The following STXBP4 variants were observed in gnomAD, a reference collection of about 807,000 sequenced individuals.
STXBP4 encodes the protein syntaxin-binding protein 4.
A neutral mutation model predicts 76.1 loss-of-function variants in STXBP4; 55 were observed. The observed-to-expected ratio is 0.72, with a 90% CI of 0.58 to 0.91. STXBP4 has a LOEUF of 0.91. Among genes scored for constraint, STXBP4 ranks in the 40% least tolerant of loss-of-function variants. STXBP4 has a pLI of 0.00. For missense variants in STXBP4, 618 were observed against 636.9 expected (o/e 0.97, Z 0.32); for synonymous variants, 201 against 220.2 (o/e 0.91, Z 0.77).
In STXBP4 at chr17:55,065,085, G is replaced by C. The variant is rs143403773; in HGVS notation, c.1012-7815G>C. On this transcript the variant is annotated intron_variant, in intron 12 of 17. Coordinates refer to ENST00000376352, the MANE Select transcript of STXBP4 (RefSeq NM_178509.6). ...TCTTACATAATATAGGGTCTGTATG[G>C]GGCTATCTGGTCTTTCTAGTTGCTT... 2.6e-5 allele frequency among the ~76,000 whole-genome samples: 4 copies of C among 152,160 alleles called. No homozygotes were observed. The East Asian group carries it at 7.7e-4, about 29-fold the overall frequency.
intron 10 of STXBP4, among the ~76,000 whole-genome samples, chr17:55,040,651 A>C (rs1249199854): frequency 6.6e-6 from 1 of 152,182 alleles, no homozygotes; most frequent in Non-Finnish European, 1.5e-5. Flanking sequence ...AATGACCTAT[A>C]GTATGTATTT....
the STXBP4 span, among the ~76,000 whole-genome samples, chr17:55,211,049 A>G: frequency 6.6e-6 from 1 of 152,106 alleles, no homozygotes; most frequent in African/African-American, 2.4e-5. Context: ...TTCATGTTCA[A>G]AGAGGTGCTC....
intron 13 of STXBP4, among the ~76,000 whole-genome samples, chr17:55,074,894 A>G (rs1409606993): frequency 6.6e-6 from 1 of 151,764 alleles, no homozygotes; most frequent in African/African-American, 2.4e-5. Context: ...AAAGAAGGAA[A>G]CCTTTTTTTT....
At chr17:55,040,091 G>A (rs1343220964) in intron 10 of STXBP4, among the ~76,000 whole-genome samples, 1 of 152,092 alleles carries the variant, frequency 6.6e-6, no homozygotes, top group Admixed American at 6.6e-5. Context: ...GTAACTCATT[G>A]GGAATAGCCT....
intron 16 of STXBP4, among the ~76,000 whole-genome samples, chr17:55,127,073 A>G (rs969337937): frequency 1.3e-5 from 2 of 152,212 alleles, no homozygotes; most frequent in Non-Finnish European, 2.9e-5. Context: ...CAGCTGCATT[A>G]TACTACCACC....
intron 4 of STXBP4, among the ~76,000 whole-genome samples, chr17:54,996,978 T>C (rs769250294): frequency 6.6e-6 from 1 of 152,344 alleles, no homozygotes; most frequent in East Asian, 1.9e-4. Flanking sequence ...TGTGAAAGAA[T>C]TCAGATCTGA....
chr17:55,184,587 A>G, the STXBP4 span, among the ~76,000 whole-genome samples: 1 of 152,134 alleles, frequency 6.6e-6, no homozygotes, highest in African/African-American at 2.4e-5. Flanking sequence ...GCTTTAAAAA[A>G]CTCATTGCAA....
chr17:55,091,617 C>G (rs1197088920), intron 16 of STXBP4, among the ~76,000 whole-genome samples: 1 of 152,072 alleles, frequency 6.6e-6, no homozygotes, highest in African/African-American at 2.4e-5. Context: ...AACAAAACAC[C>G]CTCCCAGCCC....
the STXBP4 span, among the ~76,000 whole-genome samples, chr17:55,195,329 A>T: frequency 6.6e-6 from 1 of 152,202 alleles, no homozygotes; most frequent in African/African-American, 2.4e-5. Context: ...CTCCATGAAG[A>T]TGTCCCTGCT....
intron 9 of STXBP4, among the ~76,000 whole-genome samples, chr17:55,032,237 T>A (rs1401207845): frequency 6.6e-6 from 1 of 151,882 alleles, no homozygotes; most frequent in East Asian, 2.0e-4. Flanking sequence ...ATAAAGCATC[T>A]GTATTGCTGA....
chr17:55,029,114 C>A (rs1243417018), intron 8 of STXBP4, among the ~76,000 whole-genome samples: 6 of 151,460 alleles, frequency 4.0e-5, no homozygotes, highest in Non-Finnish European at 7.4e-5. Flanking sequence ...TAATAAATTA[C>A]AATAAATTCA....
intron 16 of STXBP4, among the ~76,000 whole-genome samples, chr17:55,112,603 T>A (rs772718417): frequency 1.3e-5 from 2 of 152,008 alleles, no homozygotes; most frequent in Non-Finnish European, 2.9e-5. Flanking sequence ...TCTGGGAGGT[T>A]AGGGTGGGGG....
In STXBP4 at chr17:54,999,803, CA is replaced by C. The variant is rs776296897; in HGVS notation, c.460del (p.Thr154LeufsTer14). On this transcript the variant is annotated frameshift_variant, in exon 6 of 18. Transcript: ENST00000376352. LOFTEE classifies it high-confidence loss of function. ...PEILIPKTSS[T>X]PKTNNDILSS... is the part of the protein sequence containing the mutation. ...AAATACTAATCCCAAAGACCTCATC[CA>C]CTCCCAAAACAAATAATGACATTTT... 4.3e-6 allele frequency: 7 copies of C among 1,613,206 alleles called. No homozygotes were observed. The African/African-American group carries it at 9.4e-5, about 22-fold the overall frequency.
At chr17:55,199,928 C>T in the STXBP4 span, among the ~76,000 whole-genome samples, 111 of 152,314 alleles carry the variant, frequency 7.3e-4, no homozygotes, top group African/African-American at 1.2e-3. Flanking sequence ...AGGGCCTTGG[C>T]GCATGCCCTG....
the STXBP4 span, among the ~76,000 whole-genome samples, chr17:55,209,113 A>G: frequency 6.6e-6 from 1 of 152,116 alleles, no homozygotes. Context: ...TAAGTCTTAC[A>G]TTATAAAAGA....
At chr17:55,150,050 T>C (rs2080197375) in intron 17 of STXBP4, among the ~76,000 whole-genome samples, 1 of 152,190 alleles carries the variant, frequency 6.6e-6, no homozygotes, top group African/African-American at 2.4e-5. Context: ...CTCGTAACCT[T>C]TCTGAGGGTT....
At chr17:55,206,496 T>G in the STXBP4 span, among the ~76,000 whole-genome samples, 1 of 152,262 alleles carries the variant, frequency 6.6e-6, no homozygotes, top group African/African-American at 2.4e-5. Flanking sequence ...AGAGAATGTC[T>G]TCTCTTACAC....
the STXBP4 span, among the ~76,000 whole-genome samples, chr17:55,182,141 A>G: frequency 7.3e-6 from 1 of 136,162 alleles, no homozygotes; most frequent in Admixed American, 7.4e-5. Flanking sequence ...AACCAAGCAC[A>G]TGAGAAGACA....
rs904521542 is a variant in STXBP4 at position 55,160,157 on chromosome 17, A to G, written c.*246A>G. 1 of 275,690 alleles carries G rather than the reference A, an allele frequency of 3.6e-6. No individual in the cohort carries two copies. The highest frequency in any genetic ancestry group is 2.2e-5 in the African/African-American group (1 of 45,306). The allele number at this position is 275,690 out of a possible 1,614,324, so 17.1% of individuals were successfully genotyped here. ...GTTATATTTTTTGAAATCACATATA[A>G]TTAGACTTTATAATATATATACTTT... On this transcript the variant is annotated 3_prime_UTR_variant, in exon 18 of 18. Transcript: ENST00000376352.
Sources: gnomAD v4.1 joint callset for allele counts (sites outside exome capture counted in the v4.1 genomes callset) on GRCh38, gnomAD v4.1.1 for gene constraint, MANE v1.5 for transcripts, NCBI Gene and HGNC (gene_info 2026-07-23, HGNC 2026-07-21) for gene names.